Variants in ALDH1L2 observed in about 807,000 individuals in gnomAD.
ALDH1L2 encodes mitochondrial 10-formyltetrahydrofolate dehydrogenase.
ALDH1L2 carries 91 observed loss-of-function variants against 111.0 expected under a neutral mutation model. The ratio of observed to expected loss-of-function variants is 0.82; its 90% CI spans 0.69 to 0.98. The LOEUF (loss-of-function observed/expected upper bound fraction) is 0.98, where lower values mean the gene tolerates loss of function less well. Ranked by LOEUF, ALDH1L2 falls within the 50% of genes least tolerant of loss-of-function variation. The probability of loss-of-function intolerance (pLI) is 0.00; values close to 1 mark genes in which losing one functional copy is unlikely to be tolerated. For synonymous variants in ALDH1L2, 374 were observed against 392.6 expected (o/e 0.95, Z 0.56); for missense variants, 995 against 1,126.8 (o/e 0.88, Z 1.67).
chr12:105,083,704 C>CCTCT (rs1169129833), intron 1 of ALDH1L2, among the ~76,000 whole-genome samples: 1 of 152,014 alleles, frequency 6.6e-6, no homozygotes, highest in East Asian at 1.9e-4. Context: ...TGCAACGTGT[C>CCTCT]CTCTCTCGGT....
chr12:105,052,905 C>T lies in ALDH1L2; in HGVS notation c.1314G>A (p.Met438Ile). Residue 438 changes from methionine (M) to isoleucine (I), a missense_variant, in exon 11 of 23, where the codon ATG becomes ATA. Transcript: ENST00000258494. The stretch of plus-strand genomic sequence containing the variant: ...TGAAACACTGGTATGGCATTTTTAC[C>T]ATGATTTCATTGACCTCCTTTGAAA... ...DYISKEVNEIMVKMPYQCFIN... is the reference protein window; with the variant it reads ...DYISKEVNEIIVKMPYQCFIN... The T allele has an allele frequency of 1.9e-6, 3 of 1,613,788 alleles. No homozygotes were observed. Among genetic ancestry groups the T allele is most frequent in the Non-Finnish European group, 2.5e-6 (3 of 1,179,734 alleles).
At chr12:105,069,076 T>C (rs558130847) in intron 3 of ALDH1L2, among the ~76,000 whole-genome samples, 192 bp from the exon 4 acceptor site, 2 of 152,354 alleles carry the variant, frequency 1.3e-5, no homozygotes, top group Non-Finnish European at 2.9e-5. Context: ...TGCTATTTTA[T>C]ATAATACATC....
In ALDH1L2 at chr12:105,070,777, G is replaced by C. The variant is rs1565971840; in HGVS notation, c.221C>G (p.Pro74Arg). The change falls in exon 3 of 23, where the codon CCT becomes CGT. Residue 74 changes from proline to arginine, a missense_variant. Pro to Arg is a moderately radical substitution (Grantham distance 103). Coordinates refer to ENST00000258494, the MANE Select transcript of ALDH1L2 (RefSeq NM_001034173.4). The part of the protein sequence containing the change: ...LALAAEKDGT[P>R]VFKLPKWRVK... ...CCTCCATTTAGGAAGCTTGAACACA[G>C]GGGTCCCATCTTTCTCTGCAGCCAA... is the stretch of plus-strand genomic sequence containing the variant. The C allele has an allele frequency of 1.9e-6, 3 of 1,614,052 alleles. No individual in the cohort carries two copies. Among genetic ancestry groups the C allele is most frequent in the Non-Finnish European group, 1.7e-6 (2 of 1,180,008 alleles).
At chr12:105,049,716 A>T in intron 13 of ALDH1L2, 192 bp downstream of exon 13, 1 of 598,092 alleles carries the variant, frequency 1.7e-6, no homozygotes, top group Non-Finnish European at 2.6e-6. Context: ...GAACTGTAAG[A>T]GAATAAATTT....
At chr12:105,041,872 A>ACT (rs34866158) in intron 15 of ALDH1L2, among the ~76,000 whole-genome samples, 54,843 of 151,888 alleles carry the variant, frequency 0.36, 10,114 homozygotes, top group South Asian at 0.51. Context: ...TGCCCCTATT[A>ACT]CTTTGAGCAT....
At chr12:105,060,827 GAAAAAAAAAA>G (rs10674036) in intron 9 of ALDH1L2, 144 bp downstream of exon 9, 7 of 140,090 alleles carry the variant, frequency 5.0e-5, no homozygotes, top group African/African-American at 2.6e-4. Flanking sequence ...TCCATCTCAG[GAAAAAAAAAA>G]AAAAAAAAAA....
In ALDH1L2 at chr12:105,052,070, A is replaced by T; in HGVS notation, c.1535+20T>A. On this transcript the variant is annotated intron_variant, in intron 12 of 22. Transcript: ENST00000258494. Reference sequence around the variant, plus strand: ...CAGAGTTACTTTTCTAAAAAATAAAAAAATAAAAAATAGAAATACCTATAC... The same window carrying T: ...CAGAGTTACTTTTCTAAAAAATAAATAAATAAAAAATAGAAATACCTATAC... 1 of 1,562,444 alleles carries T rather than the reference A, an allele frequency of 6.4e-7. No homozygotes were observed. Among genetic ancestry groups the T allele is most frequent in the Non-Finnish European group, 8.6e-7 (1 of 1,159,274 alleles).
At chr12:105,030,290 A>G (rs752408991) in intron 21 of ALDH1L2, 34 bp downstream of exon 21, 2 of 1,579,674 alleles carry the variant, frequency 1.3e-6, no homozygotes, top group South Asian at 1.2e-5. Flanking sequence ...TTATCTAGTC[A>G]AAACCTAAGT....
chr12:105,039,273 T>C (rs1265799078), intron 17 of ALDH1L2, among the ~76,000 whole-genome samples: 2 of 152,188 alleles, frequency 1.3e-5, no homozygotes, highest in African/African-American at 4.8e-5. Context: ...CATTGACATA[T>C]TTTAACAACT....
intron 2 of ALDH1L2, among the ~76,000 whole-genome samples, chr12:105,071,286 G>C (rs1210092074): frequency 6.6e-6 from 1 of 152,146 alleles, no homozygotes; most frequent in Non-Finnish European, 1.5e-5. Flanking sequence ...GATGAAGAGC[G>C]TAAGTGCTGA....
intron 18 of ALDH1L2, among the ~76,000 whole-genome samples, chr12:105,036,577 G>A (rs1295731099): frequency 9.4e-6 from 1 of 106,228 alleles, no homozygotes; most frequent in African/African-American, 3.4e-5. Flanking sequence ...AAATGGATGT[G>A]GCTGGGTGCA....
chr12:105,040,797 T>C lies in ALDH1L2; in HGVS notation c.1864-103A>G, dbSNP rs1040521829. On this transcript the variant is annotated intron_variant, in intron 15 of 22. Transcript: ENST00000258494. ...AGCTGCACTAGATCTCATTTTATTT[T>C]TATTGTACATTGTCTTATTTTTTTG... The C allele has an allele frequency of 5.4e-6, 5 of 918,742 alleles. No homozygotes were observed. In the African/African-American group the frequency reaches 6.5e-5, roughly 12 times the overall value. The allele number at this position is 918,742 out of a possible 1,614,324, so 56.9% of individuals were successfully genotyped here. A position where few individuals can be genotyped will look rare whatever the true frequency, so the allele number is the denominator to read the frequency against.
Position 105,030,351 on chromosome 12 carries a change from A to G in ALDH1L2, c.2489T>C (p.Ile830Thr), listed in dbSNP as rs1375744360. 2 of 1,612,860 alleles carry G rather than the reference A, an allele frequency of 1.2e-6. No homozygotes were observed. The highest frequency in any genetic ancestry group is 1.7e-5 in the Admixed American group (1 of 59,900). ...ATTTTGGAATTTAGAAATGACCATA[A>G]TAGGCCCAAAGGATTCCTCTTTGGC... ...YLAKEESFGP[I>T]MVISKFQNGD... The change falls in exon 21 of 23, where the codon ATT (isoleucine) becomes ACT (threonine). Residue 830 changes from isoleucine to threonine, a missense_variant. Transcript: ENST00000258494.
At chr12:105,069,158 C>A (rs1877541432) in intron 3 of ALDH1L2, among the ~76,000 whole-genome samples, 1 of 152,096 alleles carries the variant, frequency 6.6e-6, no homozygotes, top group South Asian at 2.1e-4. Flanking sequence ...TAGAGTCTAT[C>A]GTTACTACCA....
intron 20 of ALDH1L2, 32 bp downstream of exon 20, chr12:105,031,737 C>T (rs375075394): frequency 1.9e-6 from 3 of 1,599,276 alleles, no homozygotes; most frequent in African/African-American, 1.3e-5. Flanking sequence ...AGAAGGCGGG[C>T]ACCCGGTAAA....
chr12:105,067,335 A>G (rs934392535), intron 4 of ALDH1L2, among the ~76,000 whole-genome samples: 8 of 152,158 alleles, frequency 5.3e-5, no homozygotes, highest in Non-Finnish European at 7.4e-5. Context: ...TCTATTGCCA[A>G]TCGAAGTCTG....
intron 18 of ALDH1L2, among the ~76,000 whole-genome samples, chr12:105,037,269 G>A (rs1482085886): frequency 2.0e-5 from 3 of 152,110 alleles, no homozygotes; most frequent in African/African-American, 7.2e-5. Context: ...AATAGTTTAA[G>A]GCTCACAAGG....
intron 1 of ALDH1L2, among the ~76,000 whole-genome samples, chr12:105,077,796 G>C (rs1348370603): frequency 6.6e-6 from 1 of 150,862 alleles, no homozygotes; most frequent in Non-Finnish European, 1.5e-5. Context: ...TCAAGGCACA[G>C]TGCGAAGAGT....
intron 12 of ALDH1L2, 144 bp from the exon 13 acceptor site, chr12:105,050,202 G>A (rs1183350981): frequency 3.0e-6 from 2 of 675,504 alleles, no homozygotes; most frequent in Non-Finnish European, 4.4e-6. Flanking sequence ...GGTCCAGTAG[G>A]CAAGAAAGAC....
Sources: gnomAD v4.1 joint callset for allele counts (sites outside exome capture counted in the v4.1 genomes callset) on GRCh38, gnomAD v4.1.1 for gene constraint, MANE v1.5 for transcripts, NCBI Gene and HGNC (gene_info 2026-07-23, HGNC 2026-07-21) for gene names.